Variants in ADAM10 observed in about 807,000 individuals in gnomAD.
ADAM10 encodes ADAM metallopeptidase domain 10.
In ADAM10, 17 loss-of-function variants were observed where a neutral mutation model predicts 90.1. The observed-to-expected ratio is 0.19, with a 90% CI of 0.13 to 0.28. ADAM10 has a LOEUF of 0.28. Among genes scored for constraint, ADAM10 ranks in the 10% least tolerant of loss-of-function variants. The pLI, the probability that ADAM10 is intolerant of heterozygous loss-of-function variation, is 1.00. For synonymous variants in ADAM10, 310 were observed against 298.6 expected (o/e 1.04, Z -0.40); for missense variants, 610 against 914.3 (o/e 0.67, Z 4.29).
rs1467964010 is a variant in ADAM10, at chr15:58,596,362, G to T, written c.*1185C>A. 6.6e-6 allele frequency: 1 copy of T among 152,452 alleles called. No homozygotes were observed. Among genetic ancestry groups the T allele is most frequent in the Non-Finnish European group, 1.5e-5 (1 of 67,992 alleles). 9.4% of individuals were successfully genotyped at this position (152,452 alleles called of 1,614,324 possible). On this transcript the variant is annotated 3_prime_UTR_variant, in exon 16 of 16. Coordinates refer to ENST00000260408, the MANE Select transcript of ADAM10 (RefSeq NM_001110.4). ...CTGTTTCAAAAATAAATTTGGAATG[G>T]GACATTGTGCTGTTTCACCTTCAAT...
At chr15:58,726,068 A>C (rs1359360624) in intron 1 of ADAM10, among the ~76,000 whole-genome samples, 1 of 152,182 alleles carries the variant, frequency 6.6e-6, no homozygotes, top group Non-Finnish European at 1.5e-5. Context: ...AAGCGAATAC[A>C]TTTTTTAAAC....
intron 1 of ADAM10, among the ~76,000 whole-genome samples, chr15:58,740,267 G>A (rs1595671446): frequency 6.6e-6 from 1 of 151,922 alleles, no homozygotes; most frequent in South Asian, 2.1e-4. Context: ...AAAATGAGAA[G>A]GGCCTGGTGG....
At chr15:58,692,180 G>T in intron 2 of ADAM10, 3 of 551,722 alleles carry the variant, frequency 5.4e-6, no homozygotes, top group South Asian at 1.4e-5. Flanking sequence ...TTCTAAAAAA[G>T]GTCAAAGGGA....
intron 2 of ADAM10, among the ~76,000 whole-genome samples, chr15:58,707,960 C>T (rs1296490036): frequency 6.6e-6 from 1 of 151,926 alleles, no homozygotes; most frequent in African/African-American, 2.4e-5. Context: ...ACCTATGATC[C>T]CAGCTACTCA....
intron 8 of ADAM10, among the ~76,000 whole-genome samples, chr15:58,638,367 C>A (rs1896324391): frequency 6.6e-6 from 1 of 151,902 alleles, no homozygotes; most frequent in South Asian, 2.1e-4. Context: ...TAAGAAGACC[C>A]TAATAATGAA....
chr15:58,694,227 A>ACTCC (rs1596077324), intron 2 of ADAM10, among the ~76,000 whole-genome samples: 1 of 152,224 alleles, frequency 6.6e-6, no homozygotes, highest in East Asian at 1.9e-4. Context: ...AGACAGGCAG[A>ACTCC]TCACTGAAGG....
intron 10 of ADAM10, among the ~76,000 whole-genome samples, chr15:58,626,195 C>T (rs1449531767): frequency 6.6e-6 from 1 of 151,916 alleles, no homozygotes; most frequent in South Asian, 2.1e-4. Flanking sequence ...TGGATTTTCT[C>T]AATATCAACA....
At chr15:58,625,089 A>T (rs1895898961) in intron 10 of ADAM10, among the ~76,000 whole-genome samples, 2 of 152,198 alleles carry the variant, frequency 1.3e-5, no homozygotes, top group South Asian at 4.1e-4. Flanking sequence ...AAGATTGAAG[A>T]TGTAATTTCA....
At chr15:58,635,945 A>G (rs1399951246) in intron 8 of ADAM10, among the ~76,000 whole-genome samples, 1 of 152,188 alleles carries the variant, frequency 6.6e-6, no homozygotes, top group African/African-American at 2.4e-5. Flanking sequence ...TAACTTCTTA[A>G]ACAACTGCTT....
chr15:58,709,566 C>G (rs975191166), intron 2 of ADAM10, among the ~76,000 whole-genome samples: 1 of 151,812 alleles, frequency 6.6e-6, no homozygotes, highest in South Asian at 2.1e-4. Flanking sequence ...TAGTGAAACC[C>G]CCATCTCTAC....
intron 11 of ADAM10, among the ~76,000 whole-genome samples, chr15:58,614,307 GAAAGAAAA>G (rs1566967735): frequency 2.8e-5 from 2 of 71,160 alleles, no homozygotes; most frequent in Non-Finnish European, 2.3e-5. Context: ...AAAGAAAAAA[GAAAGAAAA>G]AAAAAAGAAA....
intron 14 of ADAM10, among the ~76,000 whole-genome samples, chr15:58,602,328 T>C (rs1286403941): frequency 1.3e-5 from 2 of 152,156 alleles, no homozygotes; most frequent in African/African-American, 2.4e-5. Flanking sequence ...CCTTCCTATG[T>C]AGACACCTTC....
chr15:58,625,228 G>T (rs1191070479), intron 10 of ADAM10, among the ~76,000 whole-genome samples: 1 of 152,112 alleles, frequency 6.6e-6, no homozygotes, highest in Non-Finnish European at 1.5e-5. Flanking sequence ...ACAAGCTACA[G>T]ACTGGGAGAA....
intron 4 of ADAM10, among the ~76,000 whole-genome samples, 170 bp downstream of exon 4, chr15:58,678,954 C>A (rs1173951884): frequency 6.6e-6 from 1 of 152,094 alleles, no homozygotes; most frequent in Non-Finnish European, 1.5e-5. Context: ...AGGAAATTGC[C>A]TCATTACATA....
At chr15:58,688,499 AAAG>A (rs1282448078) in intron 2 of ADAM10, among the ~76,000 whole-genome samples, 1 of 152,022 alleles carries the variant, frequency 6.6e-6, no homozygotes, top group East Asian at 1.9e-4. Flanking sequence ...GAAATGTGAC[AAAG>A]AAGAAGAAAA....
intron 5 of ADAM10, among the ~76,000 whole-genome samples, chr15:58,659,844 T>C (rs1896926401): frequency 6.6e-6 from 1 of 152,198 alleles, no homozygotes; most frequent in East Asian, 1.9e-4. Flanking sequence ...TTCTCCCGCC[T>C]CAGCCTCCCC....
intron 2 of ADAM10, among the ~76,000 whole-genome samples, chr15:58,701,635 G>C (rs553099004): frequency 2.1e-4 from 32 of 152,226 alleles, no homozygotes; most frequent in African/African-American, 7.7e-4. Context: ...CTGCTACTGG[G>C]TGTTTATCCA....
rs1376345396 is a variant in ADAM10 at position 58,595,679 on chromosome 15, A to T, written c.*1868T>A. On this transcript the variant is annotated 3_prime_UTR_variant, in exon 16 of 16. Transcript: ENST00000260408. Reference sequence around the variant, plus strand: ...CAAAATAAAATAGGGCAGTGTGTGTACCTGCCAAAATCCTACCACAGGATA... The same window carrying T: ...CAAAATAAAATAGGGCAGTGTGTGTTCCTGCCAAAATCCTACCACAGGATA... 6.6e-6 allele frequency: 1 copy of T among 152,116 alleles called. No homozygotes were observed. Among genetic ancestry groups the T allele is most frequent in the African/African-American group, 2.4e-5 (1 of 41,444 alleles). 9.4% of individuals were successfully genotyped at this position (152,116 alleles called of 1,614,324 possible).
chr15:58,657,202 A>C (rs1378657475), intron 5 of ADAM10, among the ~76,000 whole-genome samples: 1 of 152,162 alleles, frequency 6.6e-6, no homozygotes, highest in Non-Finnish European at 1.5e-5. Context: ...GTGCTTCATA[A>C]CCTTCTTACA....
Sources: allele counts gnomAD v4.1 joint callset (sites outside exome capture counted in the v4.1 genomes callset), GRCh38; gene constraint gnomAD v4.1.1; transcripts MANE v1.5; gene names NCBI Gene and HGNC (gene_info 2026-07-23, HGNC 2026-07-21).